Variants in FRAS1 observed in about 807,000 individuals in gnomAD.
The protein encoded by FRAS1 is extracellular matrix organizing protein FRAS1.
A neutral mutation model predicts 435.2 loss-of-function variants in FRAS1; 290 were observed. That is an observed-to-expected ratio of 0.67 (90% confidence interval 0.61 to 0.73). The LOEUF is 0.73. FRAS1 is among the 30% of genes least tolerant of loss of function. FRAS1 has a pLI of 0.00. For synonymous variants in FRAS1, 1,800 were observed against 1,851.0 expected, an observed-to-expected ratio of 0.97 and a Z score of 0.71; for missense variants, 4,860 against 5,001.5, an observed-to-expected ratio of 0.97 and a Z score of 0.85.
chr4:78,213,567 C>T (rs1454463554), intron 2 of FRAS1, among the ~76,000 whole-genome samples: 1 of 152,114 alleles, frequency 6.6e-6, no homozygotes, highest in Non-Finnish European at 1.5e-5. Context: ...CTGGAGTAAG[C>T]ACATAGAGCT....
At chr4:78,390,522 G>A (rs946034535) in intron 29 of FRAS1, among the ~76,000 whole-genome samples, 1 of 152,108 alleles carries the variant, frequency 6.6e-6, no homozygotes, top group African/African-American at 2.4e-5. Context: ...CAGTGTGTTG[G>A]TCATATATAT....
At chr4:78,367,835 GTT>G (rs1007509204) in intron 22 of FRAS1, among the ~76,000 whole-genome samples, 1 of 152,024 alleles carries the variant, frequency 6.6e-6, no homozygotes, top group Non-Finnish European at 1.5e-5. Context: ...AACTATGTAT[GTT>G]TTCTATATAG....
chr4:78,522,873 TGGGAAA>T, intron 69 of FRAS1, 65 bp downstream of exon 69: 1 of 1,368,710 alleles, frequency 7.3e-7, no homozygotes, highest in Non-Finnish European at 9.9e-7. Context: ...TTCAGGAGCT[TGGGAAA>T]TAGTGCTTTC....
intron 18 of FRAS1, among the ~76,000 whole-genome samples, chr4:78,330,694 G>A (rs1729912526): frequency 6.6e-6 from 1 of 152,260 alleles, no homozygotes; most frequent in East Asian, 1.9e-4. Context: ...TTAGGAAGAG[G>A]AAATTCCCAC....
chr4:78,410,853 A>C (rs1733304247), intron 31 of FRAS1, among the ~76,000 whole-genome samples: 1 of 152,138 alleles, frequency 6.6e-6, no homozygotes, highest in African/African-American at 2.4e-5. Flanking sequence ...CTCTGGGATT[A>C]TGTTCTCCTG....
intron 15 of FRAS1, among the ~76,000 whole-genome samples, chr4:78,309,995 G>T (rs2110223403): frequency 6.6e-6 from 1 of 152,284 alleles, no homozygotes; most frequent in Non-Finnish European, 1.5e-5. Context: ...AAATCCACTT[G>T]TCTTAGAGAA....
intron 66 of FRAS1, among the ~76,000 whole-genome samples, chr4:78,517,452 G>T (rs922561581): frequency 6.6e-6 from 1 of 152,186 alleles, no homozygotes. Flanking sequence ...TCAAAGACAA[G>T]GATTTGTTAT....
At chr4:78,317,751 G>A (rs1293408796) in intron 17 of FRAS1, among the ~76,000 whole-genome samples, 2 of 152,040 alleles carry the variant, frequency 1.3e-5, no homozygotes, top group African/African-American at 4.8e-5. Flanking sequence ...TTTTTAGGGG[G>A]AATATTAAAT....
rs973214289 is a variant in FRAS1 at position 78,266,910 on chromosome 4, C to A, written c.764C>A (p.Ala255Asp). ...DRGEVRCHKQ[A>D]CLPLRCGKGQ... ...GGTGAGGTCAGGTGTCACAAGCAGG[C>A]CTGCCTGCCCCTGAGATGCGGAAAG... The change falls in exon 8 of 74, where the codon GCC becomes GAC. Residue 255 changes from alanine (A) to aspartate (D), a missense_variant. Physicochemically the swap from Ala to Asp is moderately radical, Grantham distance 126. Transcript: ENST00000512123. The A allele has an allele frequency of 6.2e-7, 1 of 1,606,598 alleles. No individual in the cohort carries two copies. The highest frequency in any genetic ancestry group is 8.5e-7 in the Non-Finnish European group (1 of 1,176,306).
intron 15 of FRAS1, among the ~76,000 whole-genome samples, chr4:78,309,578 G>A: frequency 6.6e-6 from 1 of 152,188 alleles, no homozygotes; most frequent in East Asian, 1.9e-4. Context: ...TTCCAGCTTA[G>A]ATCTTCTGGC....
chr4:78,140,479 C>T (rs1459875232), intron 2 of FRAS1, among the ~76,000 whole-genome samples: 2 of 151,992 alleles, frequency 1.3e-5, no homozygotes, highest in Non-Finnish European at 2.9e-5. Context: ...AATTATTTCA[C>T]CTCTGAACCA....
chr4:78,388,331 C>CAAA lies in FRAS1; in HGVS notation c.3975+643_3975+645dup, dbSNP rs71661163. On this transcript the variant is annotated intron_variant, in intron 29 of 73. Coordinates refer to ENST00000512123, the MANE Select transcript of FRAS1 (RefSeq NM_025074.7). ...CAGAGAGAGACTCCGTCTCAAAAAC[C>CAAA]AAAAAAAAAAAAAAACAAAAAAAAC... 3.2e-5 allele frequency among the ~76,000 whole-genome samples: 3 copies of CAAA among 93,220 alleles called. 1 individual carries two copies. The highest frequency in any genetic ancestry group is 6.5e-5 in the African/African-American group (2 of 30,820). The allele number at this position is 93,220 out of a possible 152,430, so 61.2% of individuals were successfully genotyped here.
At chr4:78,507,953 G>A (rs1200920994) in intron 62 of FRAS1, among the ~76,000 whole-genome samples, 1 of 152,202 alleles carries the variant, frequency 6.6e-6, no homozygotes, top group African/African-American at 2.4e-5. Context: ...ACCTAAAAGT[G>A]AGACCAAATC....
At chr4:78,068,071 T>G (rs970023645) in intron 2 of FRAS1, among the ~76,000 whole-genome samples, 1 of 152,120 alleles carries the variant, frequency 6.6e-6, no homozygotes, top group African/African-American at 2.4e-5. Context: ...ATTACAATAA[T>G]AAAATTATTA....
intron 9 of FRAS1, among the ~76,000 whole-genome samples, chr4:78,272,459 T>C (rs1194018898): frequency 1.3e-5 from 2 of 152,230 alleles, no homozygotes; most frequent in Admixed American, 6.5e-5. Context: ...GCCATTTAAG[T>C]CTTTAATCCA....
At chr4:78,470,787 G>A (rs6844472) in intron 51 of FRAS1, among the ~76,000 whole-genome samples, 148,133 of 152,266 alleles carry the variant, frequency 0.97, 72,148 homozygotes, top group East Asian at 1. Flanking sequence ...ACCAATCCCC[G>A]TAGATACTGA....
At chr4:78,489,963 G>GAAAAAAAAAAAAA (rs1553891063) in intron 59 of FRAS1, among the ~76,000 whole-genome samples, 3 of 6,078 alleles carry the variant, frequency 4.9e-4, no homozygotes, top group Non-Finnish European at 7.7e-4. Flanking sequence ...AAAGCTAGTG[G>GAAAAAAAAAAAAA]AAAACAAAAA....
chr4:78,114,871 A>T (rs527937147), intron 2 of FRAS1, among the ~76,000 whole-genome samples: 11 of 152,294 alleles, frequency 7.2e-5, no homozygotes, highest in Admixed American at 3.9e-4. Flanking sequence ...ACTATGTTGA[A>T]TAGGAGTGGT....
intron 58 of FRAS1, among the ~76,000 whole-genome samples, chr4:78,488,154 A>G (rs781662958): frequency 2.6e-5 from 4 of 152,238 alleles, no homozygotes; most frequent in Non-Finnish European, 5.9e-5. Context: ...AGAGTCATCT[A>G]TAGCAGTGGT....
Sources: gnomAD v4.1 joint callset for allele counts (sites outside exome capture counted in the v4.1 genomes callset) on GRCh38, gnomAD v4.1.1 for gene constraint, MANE v1.5 for transcripts, NCBI Gene and HGNC (gene_info 2026-07-23, HGNC 2026-07-21) for gene names.